Variants in LARP4B observed in about 807,000 individuals in gnomAD.
LARP4B encodes la-related protein 4B.
In LARP4B, 12 loss-of-function variants were observed where a neutral mutation model predicts 89.8. That is an observed-to-expected ratio of 0.13 (90% CI 0.09 to 0.22). The LOEUF (loss-of-function observed/expected upper bound fraction) is 0.22. Among genes scored for constraint, LARP4B ranks in the 10% least tolerant of loss-of-function variants. The pLI, the probability that LARP4B is intolerant of heterozygous loss-of-function variation, is 1.00. For synonymous variants in LARP4B, 367 were observed against 363.3 expected, an observed-to-expected ratio of 1.01 and a Z score of -0.12; for missense variants, 757 against 947.7, an observed-to-expected ratio of 0.80 and a Z score of 2.64.
At chr10:965,565 G>A in the LARP4B span, among the ~76,000 whole-genome samples, 2 of 152,152 alleles carry the variant, frequency 1.3e-5, no homozygotes, top group Non-Finnish European at 2.9e-5. Flanking sequence ...TTGTATATAA[G>A]CAGAAACAAA....
At chr10:922,409 A>T (rs746669941) in intron 1 of LARP4B, among the ~76,000 whole-genome samples, 3 of 152,176 alleles carry the variant, frequency 2.0e-5, no homozygotes, top group Non-Finnish European at 4.4e-5. Context: ...CTAGCAATTT[A>T]GCCTGGTAAC....
At chr10:826,329 A>G (rs140573979) in intron 11 of LARP4B, among the ~76,000 whole-genome samples, 46 of 152,328 alleles carry the variant, frequency 3.0e-4, no homozygotes, top group African/African-American at 1.0e-3. Flanking sequence ...ACAGCCTGAC[A>G]GGGCCTTTAC....
chr10:863,839 C>A lies in LARP4B; in HGVS notation c.334G>T (p.Ala112Ser). Residue 112 changes from alanine to serine, a missense_variant, in exon 5 of 18, where the codon GCA becomes TCA. Physicochemically the swap from Ala to Ser is moderately conservative, Grantham distance 99 (BLOSUM62 1). Transcript: ENST00000316157. ...GDGDQGHENA[A>S]LPDPQESDPA... ...TCCGACTCCTGCGGGTCTGGCAATG[C>A]GGCATTCTCATGGCCCTGGTCACCA... 1 of 1,614,070 alleles carries A rather than the reference C, an allele frequency of 6.2e-7. No homozygotes were observed. Among genetic ancestry groups the A allele is most frequent in the Non-Finnish European group, 8.5e-7 (1 of 1,180,008 alleles).
At chr10:820,537 A>G in intron 14 of LARP4B, 1 of 440,428 alleles carries the variant, frequency 2.3e-6, no homozygotes, top group East Asian at 3.8e-5. Flanking sequence ...TGCGACAGCA[A>G]GTTCCTGGCC....
chr10:901,878 A>T (rs1412199987), intron 1 of LARP4B, among the ~76,000 whole-genome samples: 1 of 152,242 alleles, frequency 6.6e-6, no homozygotes, highest in African/African-American at 2.4e-5. Context: ...CCTAAGGAGG[A>T]CATAATCAGA....
Position 836,389 on chromosome 10 carries a change from G to A in LARP4B, c.750+14C>T, listed in dbSNP as rs919905212. On this transcript the variant is annotated intron_variant, in intron 8 of 17. Coordinates refer to ENST00000316157, the MANE Select transcript of LARP4B (RefSeq NM_015155.3). ...GAAAATGTCCAAGTAACCTTCAGAGGAGAAATTACTTACTTCCACGGGGGT... is the reference window on the plus strand; with the variant it reads ...GAAAATGTCCAAGTAACCTTCAGAGAAGAAATTACTTACTTCCACGGGGGT... 7 of 1,515,846 alleles carry A rather than the reference G, an allele frequency of 4.6e-6. No homozygotes were observed. The highest frequency in any genetic ancestry group is 6.4e-6 in the Non-Finnish European group (7 of 1,095,476). 93.9% of individuals were successfully genotyped at this position (1,515,846 alleles called of 1,614,324 possible). A position where few individuals can be genotyped will look rare whatever the true frequency, so the allele number is the denominator to read the frequency against.
chr10:885,845 A>G, intron 1 of LARP4B, 85 bp from the exon 2 acceptor site: 3 of 660,868 alleles, frequency 4.5e-6, no homozygotes, highest in Non-Finnish European at 7.5e-6. Flanking sequence ...CAAGTTTTCC[A>G]GGACACACGT....
intron 15 of LARP4B, chr10:815,658 C>T (rs997335624): frequency 3.3e-5 from 5 of 152,252 alleles, no homozygotes; most frequent in Non-Finnish European, 7.3e-5. Flanking sequence ...AACTTACTCC[C>T]TCCTTACTCC....
In LARP4B at chr10:836,381, C is replaced by T. The variant is rs1362468154; in HGVS notation, c.750+22G>A. 5 of 1,466,778 alleles carry T rather than the reference C, an allele frequency of 3.4e-6. No homozygotes were observed. The Admixed American group carries it at 7.0e-5, about 21-fold the overall frequency. The allele number at this position is 1,466,778 out of a possible 1,614,324, so 90.9% of individuals were successfully genotyped here. A position where few individuals can be genotyped will look rare whatever the true frequency, so the allele number is the denominator to read the frequency against. The stretch of plus-strand genomic sequence containing the variant: ...ACCTTTGGGAAAATGTCCAAGTAAC[C>T]TTCAGAGGAGAAATTACTTACTTCC... On this transcript the variant is annotated intron_variant, in intron 8 of 17. Coordinates refer to ENST00000316157, the MANE Select transcript of LARP4B (RefSeq NM_015155.3).
intron 5 of LARP4B, among the ~76,000 whole-genome samples, chr10:857,472 A>C (rs1418607248): frequency 6.6e-6 from 1 of 152,190 alleles, no homozygotes; most frequent in Non-Finnish European, 1.5e-5. Context: ...CCTCAGAAAC[A>C]AAAGTTTTTT....
chr10:888,165 C>A (rs1835917114), intron 1 of LARP4B, among the ~76,000 whole-genome samples: 1 of 152,054 alleles, frequency 6.6e-6, no homozygotes, highest in Non-Finnish European at 1.5e-5. Flanking sequence ...ACTGAAAATA[C>A]AAAAATGAGC....
chr10:968,989 G>A, the LARP4B span, among the ~76,000 whole-genome samples: 261 of 152,348 alleles, frequency 1.7e-3, no homozygotes, highest in Non-Finnish European at 3.1e-3. Flanking sequence ...GACCTTCGGA[G>A]TCGGTAGAAC....
At chr10:948,686 C>T in the LARP4B span, among the ~76,000 whole-genome samples, 2 of 152,258 alleles carry the variant, frequency 1.3e-5, no homozygotes, top group African/African-American at 4.8e-5. Flanking sequence ...TCCTTCTCAG[C>T]CCTGGTAAGG....
At position 822,302 on chromosome 10, in the gene LARP4B, C is replaced by G. The variant is rs1832393533; in HGVS notation, c.1485-1457G>C. Reference sequence around the variant, plus strand: ...TTGCCCAGAGGCATTGCCCTGAGCGCTGGACAGAGGGACAGCAGCCACATG... The same window carrying G: ...TTGCCCAGAGGCATTGCCCTGAGCGGTGGACAGAGGGACAGCAGCCACATG... On this transcript the variant is annotated intron_variant, in intron 13 of 17. Coordinates refer to ENST00000316157, the MANE Select transcript of LARP4B (RefSeq NM_015155.3). The surrounding 1 kb of genome is among the most constrained non-coding windows in gnomAD (Gnocchi z 4.6). Among the ~76,000 whole-genome samples, 1 of 152,220 alleles carries G rather than the reference C, an allele frequency of 6.6e-6. No homozygotes were observed. Among genetic ancestry groups the G allele is most frequent in the Non-Finnish European group, 1.5e-5 (1 of 68,028 alleles).
intron 8 of LARP4B, among the ~76,000 whole-genome samples, chr10:832,533 C>A (rs181874923): frequency 2.0e-5 from 3 of 152,250 alleles, no homozygotes; most frequent in Admixed American, 2.0e-4. Context: ...GAAAACTACA[C>A]CAAAGCATAT....
chr10:978,898 T>C, the LARP4B span, among the ~76,000 whole-genome samples: 1 of 152,156 alleles, frequency 6.6e-6, no homozygotes, highest in Non-Finnish European at 1.5e-5. Context: ...TCTCTGGGCA[T>C]CGAATTCTAG....
At chr10:977,549 A>G in the LARP4B span, among the ~76,000 whole-genome samples, 1 of 151,818 alleles carries the variant, frequency 6.6e-6, no homozygotes, top group Non-Finnish European at 1.5e-5. Flanking sequence ...TATCTCAGAA[A>G]AAAAAAAAAA....
chr10:844,582 G>A (rs910496562), intron 6 of LARP4B, among the ~76,000 whole-genome samples: 3 of 152,026 alleles, frequency 2.0e-5, no homozygotes, highest in Non-Finnish European at 4.4e-5. Flanking sequence ...TAAGAAAAGG[G>A]TATTATTCAG....
At chr10:897,198 G>C (rs1836212174) in intron 1 of LARP4B, among the ~76,000 whole-genome samples, 1 of 152,096 alleles carries the variant, frequency 6.6e-6, no homozygotes, top group South Asian at 2.1e-4. Flanking sequence ...CAATACAATA[G>C]AAACGAGAGT....
Sources: allele counts gnomAD v4.1 joint callset (sites outside exome capture counted in the v4.1 genomes callset), GRCh38; gene constraint gnomAD v4.1.1; non-coding constraint Gnocchi (gnomAD v3.1); transcripts MANE v1.5; gene names NCBI Gene and HGNC (gene_info 2026-07-23, HGNC 2026-07-21).